The following CEP170 variants were observed in gnomAD, a reference collection of about 807,000 sequenced individuals.
CEP170 encodes the protein centrosomal protein of 170 kDa.
In CEP170, 21 loss-of-function variants were observed where a neutral mutation model predicts 151.9. The observed-to-expected ratio is 0.14, with a 90% confidence interval of 0.10 to 0.20. The LOEUF is 0.20. Ranked by LOEUF, CEP170 falls within the 10% of genes least tolerant of loss-of-function variation. The pLI, the probability that CEP170 is intolerant of heterozygous loss-of-function variation, is 1.00. For missense variants in CEP170, 964 were observed against 1,892.9 expected (o/e 0.51, Z 9.11); for synonymous variants, 356 against 648.8 (o/e 0.55, Z 6.86).
intron 8 of CEP170, 37 bp downstream of exon 8, chr1:243,190,981 G>A (rs201402068): frequency 3.5e-5 from 51 of 1,473,110 alleles, no homozygotes; most frequent in East Asian, 2.0e-4. Context: ...TTTCTTTATC[G>A]TAAAGTAGGA....
chr1:243,148,643 C>G lies in CEP170; in HGVS notation c.3912-6180G>C, dbSNP rs60666196. 4.0e-3 allele frequency among the ~76,000 whole-genome samples: 615 copies of G among 152,226 alleles called. 3 individuals carry two copies. Among genetic ancestry groups the G allele is most frequent in the African/African-American group, 0.014 (582 of 41,524 alleles). ...CAATAGTTATGAATGATTCCATGATCTCACAGTACAATAAAGAATAAGAAG... is the reference window on the plus strand; with the variant it reads ...CAATAGTTATGAATGATTCCATGATGTCACAGTACAATAAAGAATAAGAAG... On this transcript the variant is annotated intron_variant, in intron 14 of 19. Coordinates refer to ENST00000366542, the MANE Select transcript of CEP170 (RefSeq NM_014812.3).
chr1:243,201,970 C>A (rs1431247292), intron 4 of CEP170, among the ~76,000 whole-genome samples: 1 of 152,002 alleles, frequency 6.6e-6, no homozygotes, highest in African/African-American at 2.4e-5. Context: ...TTTGCTGGTA[C>A]ATATGGAAAT....
chr1:243,135,123 C>T (rs2054893352), intron 17 of CEP170, among the ~76,000 whole-genome samples: 1 of 152,104 alleles, frequency 6.6e-6, no homozygotes, highest in African/African-American at 2.4e-5. Context: ...GAATACATTA[C>T]TTTTAACATA....
chr1:243,126,928 A>T (rs2053763358), intron 19 of CEP170, among the ~76,000 whole-genome samples, 190 bp from the exon 20 acceptor site: 1 of 152,186 alleles, frequency 6.6e-6, no homozygotes. Context: ...AGCCCTGAAT[A>T]CTTTCTCTGG....
At chr1:243,255,423 C>CTTT (rs2066548272), upstream of CEP170, 1 of 153,610 alleles carries the variant, frequency 6.5e-6, no homozygotes, top group Non-Finnish European at 1.5e-5. Flanking sequence ...CAGGCGTGCC[C>CTTT]CGAAAGACCA....
intron 3 of CEP170, among the ~76,000 whole-genome samples, chr1:243,217,814 T>C (rs1010604834): frequency 6.6e-6 from 1 of 152,160 alleles, no homozygotes; most frequent in Non-Finnish European, 1.5e-5. Context: ...GACCTGGTGG[T>C]GAGGAAAATG....
chr1:243,255,143 CCGCTGTTGTCGT>C lies in CEP170; in HGVS notation c.-157_-146del, dbSNP rs898159530. ...CCCCACCTCGTCGTCGTCGTCGTCG[CCGCTGTTGTCGT>C]CGCTGCCGCTGCGGTCGAGCTCCGG... On this transcript the variant is annotated 5_prime_UTR_variant, in exon 1 of 20. Transcript: ENST00000366542. 10 of 153,256 alleles carry C rather than the reference CCGCTGTTGTCGT, an allele frequency of 6.5e-5. No individual in the cohort carries two copies. The highest frequency in any genetic ancestry group is 2.4e-4 in the African/African-American group (10 of 41,496). The allele number at this position is 153,256 out of a possible 1,614,324, so 9.5% of individuals were successfully genotyped here. A position where few individuals can be genotyped will look rare whatever the true frequency, so the allele number is the denominator to read the frequency against.
At chr1:243,196,613 T>C (rs1488282811) in intron 7 of CEP170, among the ~76,000 whole-genome samples, 1 of 152,126 alleles carries the variant, frequency 6.6e-6, no homozygotes, top group Non-Finnish European at 1.5e-5. Flanking sequence ...AACGGCAAGA[T>C]AAAAATTACT....
At position 243,169,673 on chromosome 1, in the gene CEP170, C is replaced by T. The variant is rs200275757; in HGVS notation, c.1798G>A (p.Glu600Lys). 15 of 1,612,576 alleles carry T rather than the reference C, an allele frequency of 9.3e-6. No individual in the cohort carries two copies. Among genetic ancestry groups the T allele is most frequent in the Non-Finnish European group, 1.3e-5 (15 of 1,179,252 alleles). Residue 600 changes from glutamate to lysine, a missense_variant, in exon 12 of 20, where the codon GAA becomes AAA. Glu to Lys is a moderately conservative substitution (Grantham distance 56). Transcript: ENST00000366542. Reference protein sequence around the residue: ...LAANHTRHDQEERIMEFSAPL... With the variant: ...LAANHTRHDQKERIMEFSAPL... ...GCAGAAAATTCCATTATCCTTTCTT[C>T]TTGATCATGCCTTGTATGATTGGCA...
intron 10 of CEP170, among the ~76,000 whole-genome samples, chr1:243,184,972 T>C (rs1165760161): frequency 2.0e-5 from 3 of 152,182 alleles, no homozygotes; most frequent in Non-Finnish European, 4.4e-5. Flanking sequence ...GATTAACGTT[T>C]AGCCAAACGG....
intron 13 of CEP170, among the ~76,000 whole-genome samples, chr1:243,159,327 G>C (rs2057846365): frequency 6.6e-6 from 1 of 152,100 alleles, no homozygotes; most frequent in African/African-American, 2.4e-5. Context: ...ACAAAGAGCA[G>C]AGCTGAGACT....
At chr1:243,205,568 T>C (rs1276070910) in intron 4 of CEP170, among the ~76,000 whole-genome samples, 1 of 152,208 alleles carries the variant, frequency 6.6e-6, no homozygotes, top group African/African-American at 2.4e-5. Context: ...AGAAAGGTCT[T>C]GCCTCAGTAG....
rs1329119624 is a variant in CEP170 at position 243,136,053 on chromosome 1, A to T, written c.4319+90T>A. 1.9e-6 allele frequency: 3 copies of T among 1,544,924 alleles called. No individual in the cohort carries two copies. In the African/African-American group the frequency reaches 4.1e-5, roughly 21 times the overall value. On this transcript the variant is annotated intron_variant, in intron 17 of 19. Transcript: ENST00000366542. ...GGGACAAATTTTTCCAAAGGTAAAC[A>T]TATTCATTCTGATGATACATTTTTA...
intron 4 of CEP170, among the ~76,000 whole-genome samples, chr1:243,205,671 T>G (rs1191985691): frequency 6.6e-6 from 1 of 152,172 alleles, no homozygotes; most frequent in Non-Finnish European, 1.5e-5. Flanking sequence ...TAACTTGTAT[T>G]CCAGAAGAAT....
chr1:243,180,340 T>G (rs766258108), intron 10 of CEP170, among the ~76,000 whole-genome samples: 1 of 152,076 alleles, frequency 6.6e-6, no homozygotes, highest in Non-Finnish European at 1.5e-5. Flanking sequence ...GCTTTGGAAA[T>G]TAACACAGCA....
chr1:243,182,453 T>G (rs1197768878), intron 10 of CEP170, among the ~76,000 whole-genome samples: 1 of 151,800 alleles, frequency 6.6e-6, no homozygotes, highest in Admixed American at 6.6e-5. Flanking sequence ...ATTAACTAAT[T>G]GACTACTGGA....
At chr1:243,146,530 G>C (rs1267000125) in intron 14 of CEP170, among the ~76,000 whole-genome samples, 13 of 151,960 alleles carry the variant, frequency 8.6e-5, no homozygotes, top group Admixed American at 7.2e-4. Flanking sequence ...TTATTTCCAT[G>C]GGTAAAAACA....
chr1:243,245,850 C>T (rs12749004), intron 1 of CEP170, among the ~76,000 whole-genome samples: 59,933 of 151,380 alleles, frequency 0.4, 12,422 homozygotes, highest in South Asian at 0.55. Flanking sequence ...GGAGACTGAG[C>T]GGAGAGGATC....
rs369693041 is a variant in CEP170 at position 243,156,321 on chromosome 1, C to T, written c.3811G>A (p.Ala1271Thr). ...GAACTAGTAGGCATTGCTGATCCAG[C>T]GCTCTGCAAGCGAGTGGTTTTCAGG... ...PALKTTRLQS[A>T]GSAMPTSSSF... Residue 1271 changes from alanine to threonine, a missense_variant, in exon 14 of 20, where the codon GCT (alanine) becomes ACT (threonine). Transcript: ENST00000366542. The T allele has an allele frequency of 1.2e-5, 19 of 1,590,030 alleles. No individual in the cohort carries two copies. Among genetic ancestry groups the T allele is most frequent in the East Asian group, 9.1e-5 (4 of 44,042 alleles).
Sources: gnomAD v4.1 joint callset for allele counts (sites outside exome capture counted in the v4.1 genomes callset) on GRCh38, gnomAD v4.1.1 for gene constraint, MANE v1.5 for transcripts, NCBI Gene and HGNC (gene_info 2026-07-23, HGNC 2026-07-21) for gene names.